DISC1: variants seen among roughly 807,000 people sequenced by gnomAD.
DISC1 encodes DISC1 scaffold protein, also known as disrupted in schizophrenia 1 protein.
A neutral mutation model predicts 84.5 loss-of-function variants in DISC1; 57 were observed. The ratio of observed to expected loss-of-function variants is 0.67; its 90% CI spans 0.55 to 0.84. DISC1 has a LOEUF of 0.84. Ranked by LOEUF, DISC1 falls within the 40% of genes least tolerant of loss-of-function variation. The probability of loss-of-function intolerance (pLI) is 0.00; values close to 1 mark genes in which losing one functional copy is unlikely to be tolerated. For synonymous variants in DISC1, 411 were observed against 415.2 expected (o/e 0.99, Z 0.12); for missense variants, 1,000 against 1,057.8 (o/e 0.95, Z 0.76).
chr1:231,873,479 A>G (rs1170669944), intron 9 of DISC1, among the ~76,000 whole-genome samples: 1 of 152,196 alleles, frequency 6.6e-6, no homozygotes, highest in Non-Finnish European at 1.5e-5. Flanking sequence ...TGGGTCTTCT[A>G]CAAGGGACCA....
chr1:231,725,036 CA>C lies in DISC1; in HGVS notation c.1117+23013del, dbSNP rs541977813. On this transcript the variant is annotated intron_variant, in intron 3 of 12. Transcript: ENST00000439617. ...CTGTCTGTTTCCAGGATCAGTGAGTCACTCCCTCGTGGCCTGTTATGGCTTT... is the reference window on the plus strand; with the variant it reads ...CTGTCTGTTTCCAGGATCAGTGAGTCCTCCCTCGTGGCCTGTTATGGCTTT... 7.2e-5 allele frequency among the ~76,000 whole-genome samples: 11 copies of C among 152,156 alleles called. No individual in the cohort carries two copies. In the East Asian group the frequency reaches 2.1e-3, roughly 29 times the overall value.
chr1:231,782,084 G>A (rs1041457720), intron 6 of DISC1, among the ~76,000 whole-genome samples: 2 of 152,200 alleles, frequency 1.3e-5, no homozygotes, highest in African/African-American at 4.8e-5. Context: ...TCAGTGGGGG[G>A]TGCTGTGTCT....
At chr1:231,909,340 A>G (rs934230823) in intron 9 of DISC1, among the ~76,000 whole-genome samples, 3 of 152,214 alleles carry the variant, frequency 2.0e-5, no homozygotes, top group Non-Finnish European at 4.4e-5. Context: ...TTTGAGATAC[A>G]TCCCATCAAT....
At chr1:231,734,120 T>A (rs1459898420) in intron 3 of DISC1, among the ~76,000 whole-genome samples, 1 of 152,116 alleles carries the variant, frequency 6.6e-6, no homozygotes. Flanking sequence ...TGAGTGAAGA[T>A]GCCTCCATCC....
intron 6 of DISC1, chr1:231,774,877 A>G (rs1364340076): frequency 2.6e-6 from 1 of 391,430 alleles, no homozygotes; most frequent in African/African-American, 2.1e-5. Flanking sequence ...TGTTAACCTA[A>G]TTTTTGCTAT....
chr1:231,893,511 T>C (rs1366718915), intron 9 of DISC1, among the ~76,000 whole-genome samples: 2 of 152,168 alleles, frequency 1.3e-5, no homozygotes, highest in Non-Finnish European at 2.9e-5. Flanking sequence ...AGCCCCCAAA[T>C]CTCAGTTGTT....
chr1:231,927,528 G>A (rs1419141600), intron 9 of DISC1, among the ~76,000 whole-genome samples: 1 of 152,136 alleles, frequency 6.6e-6, no homozygotes, highest in African/African-American at 2.4e-5. Context: ...CTCTCTTTGT[G>A]AAAGCCATCC....
chr1:231,747,914 C>T (rs1360979906), intron 3 of DISC1, among the ~76,000 whole-genome samples: 2 of 152,102 alleles, frequency 1.3e-5, no homozygotes, highest in Non-Finnish European at 2.9e-5. Context: ...TTTCTTTCAT[C>T]AATGGTTCAT....
chr1:231,923,653 G>A (rs535453594), intron 9 of DISC1, among the ~76,000 whole-genome samples: 13 of 152,340 alleles, frequency 8.5e-5, no homozygotes, highest in African/African-American at 2.4e-4. Flanking sequence ...CACAAGGCAC[G>A]CTGACGCTGT....
chr1:231,657,001 TG>T (rs1283558245), intron 1 of DISC1, among the ~76,000 whole-genome samples: 1 of 152,248 alleles, frequency 6.6e-6, no homozygotes, highest in East Asian at 1.9e-4. Flanking sequence ...TATTCCATAG[TG>T]TATATGCACC....
At chr1:231,973,147 A>G (rs1662260982) in intron 10 of DISC1, among the ~76,000 whole-genome samples, 1 of 151,778 alleles carries the variant, frequency 6.6e-6, no homozygotes, top group Non-Finnish European at 1.5e-5. Context: ...CCTGGGTTCA[A>G]GCAATTCTCC....
chr1:231,666,918 C>A (rs925598574), intron 1 of DISC1, among the ~76,000 whole-genome samples: 1 of 152,124 alleles, frequency 6.6e-6, no homozygotes, highest in Non-Finnish European at 1.5e-5. Flanking sequence ...TTCAAAATGG[C>A]AGTGCCTCAA....
chr1:231,630,730 T>C lies in DISC1; in HGVS notation c.67+3796T>C, dbSNP rs147937859. Among the ~76,000 whole-genome samples the C allele has an allele frequency of 5.1e-4, 77 of 152,306 alleles. No individual in the cohort carries two copies. The highest frequency in any genetic ancestry group is 1.6e-3 in the African/African-American group (66 of 41,558). ...AAAATTCCTTAGCGAATGACTTCTG[T>C]GCAACAATCATGTAATTTTTAAAAT... On this transcript the variant is annotated intron_variant, in intron 1 of 12. Coordinates refer to ENST00000439617, the MANE Select transcript of DISC1 (RefSeq NM_018662.3). The surrounding 1 kb of genome is among the most constrained non-coding windows in gnomAD (Gnocchi z 4.4).
intron 9 of DISC1, among the ~76,000 whole-genome samples, chr1:231,890,349 T>C (rs2087107781): frequency 6.6e-6 from 1 of 152,196 alleles, no homozygotes; most frequent in Non-Finnish European, 1.5e-5. Context: ...ATACGTAAAA[T>C]ATGGAATTGT....
chr1:231,687,655 G>A (rs954840597), intron 1 of DISC1, among the ~76,000 whole-genome samples: 1 of 152,216 alleles, frequency 6.6e-6, no homozygotes, highest in Non-Finnish European at 1.5e-5. Context: ...CACATGGATG[G>A]TGGTGTTGAA....
intron 9 of DISC1, among the ~76,000 whole-genome samples, chr1:231,958,192 A>G (rs995830984): frequency 1.3e-5 from 2 of 152,222 alleles, no homozygotes; most frequent in African/African-American, 4.8e-5. Flanking sequence ...TTCAAAGTAT[A>G]TCAAATCTCT....
intron 1 of DISC1, among the ~76,000 whole-genome samples, chr1:231,635,946 G>A (rs1572352841): frequency 6.6e-6 from 1 of 152,172 alleles, no homozygotes; most frequent in East Asian, 1.9e-4. Flanking sequence ...TGTTTCATCA[G>A]AAGGACTGGG....
In DISC1 at chr1:231,694,098, A is replaced by T. The variant is rs367543083; in HGVS notation, c.340A>T (p.Thr114Ser). ...AAPTVTSVRG[T>S]SAHFGIQLRG... ...CCCTACTGTGACCTCTGTGAGAGGA[A>T]CCTCGGCGCACTTTGGGATTCAGCT... The change falls in exon 2 of 13, where the codon ACC becomes TCC. Residue 114 changes from threonine (T) to serine (S), a missense_variant. This residue lies in a region of DISC1 where 292 missense variants were observed against 280.2 expected (regional missense o/e 1.04). Coordinates refer to ENST00000439617, the MANE Select transcript of DISC1 (RefSeq NM_018662.3). 21 of 1,613,858 alleles carry T rather than the reference A, an allele frequency of 1.3e-5. No homozygotes were observed. Among genetic ancestry groups the T allele is most frequent in the Non-Finnish European group, 1.8e-5 (21 of 1,179,948 alleles).
intron 9 of DISC1, among the ~76,000 whole-genome samples, chr1:231,900,186 C>T (rs1224014448): frequency 6.6e-6 from 1 of 152,110 alleles, no homozygotes; most frequent in East Asian, 1.9e-4. Context: ...CTCCTTGCCC[C>T]GCAACAGGAG....
Sources: allele counts gnomAD v4.1 joint callset (sites outside exome capture counted in the v4.1 genomes callset), GRCh38; gene constraint gnomAD v4.1.1; regional missense constraint gnomAD v4.1.1; non-coding constraint Gnocchi (gnomAD v3.1); transcripts MANE v1.5; gene names NCBI Gene and HGNC (gene_info 2026-07-23, HGNC 2026-07-21).